The following CAMTA1 variants were observed in gnomAD, a reference collection of about 807,000 sequenced individuals.
The protein encoded by CAMTA1 is calmodulin binding transcription activator 1.
CAMTA1 carries 27 observed loss-of-function variants against 170.9 expected under a neutral mutation model. That is an observed-to-expected ratio of 0.16 (90% CI 0.12 to 0.22). The LOEUF is 0.22. Among genes scored for constraint, CAMTA1 ranks in the 10% least tolerant of loss-of-function variants. The pLI is 1.00. For synonymous variants in CAMTA1, 833 were observed against 891.5 expected, an observed-to-expected ratio of 0.93 and a Z score of 1.17; for missense variants, 1,619 against 2,217.2, an observed-to-expected ratio of 0.73 and a Z score of 5.42.
intron 3 of CAMTA1, among the ~76,000 whole-genome samples, chr1:6,999,198 C>T (rs891027816): frequency 3.9e-5 from 6 of 152,134 alleles, no homozygotes; most frequent in South Asian, 2.1e-4. Flanking sequence ...TTCTGGTTTG[C>T]CTCTTAATTC....
intron 3 of CAMTA1, among the ~76,000 whole-genome samples, chr1:6,928,359 AG>A (rs1683735484): frequency 6.6e-6 from 1 of 152,192 alleles, no homozygotes; most frequent in South Asian, 2.1e-4. Flanking sequence ...CTTATAAGAC[AG>A]GGAGTCTGAA....
chr1:7,351,874 C>G (rs2084701077), intron 5 of CAMTA1, among the ~76,000 whole-genome samples: 1 of 152,220 alleles, frequency 6.6e-6, no homozygotes, highest in South Asian at 2.1e-4. Context: ...ACTACCAAAT[C>G]ATGAGCCTCC....
chr1:7,755,372 C>T (rs1469768452), intron 21 of CAMTA1, among the ~76,000 whole-genome samples: 2 of 150,112 alleles, frequency 1.3e-5, no homozygotes, highest in Non-Finnish European at 3.0e-5. Flanking sequence ...CATATGACAC[C>T]CTCTCAAAAA....
At chr1:7,614,080 G>C (rs190398814) in intron 6 of CAMTA1, among the ~76,000 whole-genome samples, 2,025 of 149,658 alleles carry the variant, frequency 0.014, 28 homozygotes, top group Non-Finnish European at 0.023. Flanking sequence ...TGGGAGGAGA[G>C]GGATGGTGGT....
chr1:6,797,810 T>G (rs1209402127), intron 1 of CAMTA1, among the ~76,000 whole-genome samples: 1 of 152,154 alleles, frequency 6.6e-6, no homozygotes, highest in Non-Finnish European at 1.5e-5. Flanking sequence ...AGAAGAGTGG[T>G]CTGTTAGCTG....
At chr1:7,718,186 CA>C (rs1377155683) in intron 11 of CAMTA1, among the ~76,000 whole-genome samples, 1 of 144,560 alleles carries the variant, frequency 6.9e-6, no homozygotes, top group Non-Finnish European at 1.5e-5. Flanking sequence ...CAGTCTTAGC[CA>C]GCAGTGGGCG....
chr1:7,484,633 T>TA (rs1484674687), intron 6 of CAMTA1, among the ~76,000 whole-genome samples: 2 of 151,922 alleles, frequency 1.3e-5, no homozygotes, highest in Non-Finnish European at 2.9e-5. Context: ...ACTAAAAATA[T>TA]AAAAAATTAG....
At position 7,014,780 on chromosome 1, in the gene CAMTA1, G is replaced by A. The variant is rs769709667; in HGVS notation, c.235-76524G>A. On this transcript the variant is annotated intron_variant, in intron 3 of 22. Coordinates refer to ENST00000303635, the MANE Select transcript of CAMTA1 (RefSeq NM_015215.4). The surrounding 1 kb of genome is among the most constrained non-coding windows in gnomAD (Gnocchi z 4.2). ...GGTTACACATTCTGAGCTACCTTTCGGGGTCTGTGGACCCTCTCAGACCCT... is the reference window on the plus strand; with the variant it reads ...GGTTACACATTCTGAGCTACCTTTCAGGGTCTGTGGACCCTCTCAGACCCT... Among the ~76,000 whole-genome samples, 1 of 152,102 alleles carries A rather than the reference G, an allele frequency of 6.6e-6. No homozygotes were observed. Among genetic ancestry groups the A allele is most frequent in the African/African-American group, 2.4e-5 (1 of 41,402 alleles).
At chr1:7,319,719 G>T (rs774462565) in intron 5 of CAMTA1, among the ~76,000 whole-genome samples, 1 of 152,126 alleles carries the variant, frequency 6.6e-6, no homozygotes, top group African/African-American at 2.4e-5. Context: ...TCTGTCAGCC[G>T]CATTCCAAGT....
At chr1:7,022,505 T>C (rs1701502596) in intron 3 of CAMTA1, among the ~76,000 whole-genome samples, 3 of 152,210 alleles carry the variant, frequency 2.0e-5, no homozygotes, top group Non-Finnish European at 4.4e-5. Context: ...AAGGCAAATT[T>C]GGTCAGTTCT....
chr1:7,292,734 C>A (rs370139272), intron 5 of CAMTA1, among the ~76,000 whole-genome samples: 1 of 152,172 alleles, frequency 6.6e-6, no homozygotes, highest in Admixed American at 6.5e-5. Context: ...TCCTTGCATG[C>A]GTTTCTGCAC....
intron 4 of CAMTA1, among the ~76,000 whole-genome samples, chr1:7,118,136 G>A (rs1347598586): frequency 6.6e-6 from 1 of 152,076 alleles, no homozygotes; most frequent in African/African-American, 2.4e-5. Context: ...TGTCTCTATT[G>A]ATGGGTACAG....
intron 6 of CAMTA1, among the ~76,000 whole-genome samples, chr1:7,499,958 CTG>C (rs779558812): frequency 9.3e-6 from 1 of 107,016 alleles, no homozygotes; most frequent in East Asian, 3.4e-4. Flanking sequence ...GTGGAGAGGA[CTG>C]TGTGAGCCTG....
intron 3 of CAMTA1, among the ~76,000 whole-genome samples, chr1:6,916,009 G>A (rs1680704576): frequency 6.6e-6 from 1 of 152,132 alleles, no homozygotes; most frequent in South Asian, 2.1e-4. Context: ...AGTGGGTGGT[G>A]GAGCCCTGAG....
intron 5 of CAMTA1, among the ~76,000 whole-genome samples, chr1:7,371,036 A>T (rs1028687771): frequency 1.9e-4 from 28 of 147,788 alleles, no homozygotes; most frequent in South Asian, 8.7e-4. Flanking sequence ...CTCAGCCTCC[A>T]GAGTAGCTGG....
intron 3 of CAMTA1, among the ~76,000 whole-genome samples, chr1:6,837,626 C>G (rs1478651119): frequency 6.6e-6 from 1 of 152,200 alleles, no homozygotes; most frequent in African/African-American, 2.4e-5. Context: ...ACACATCTTT[C>G]AGCTGTGTAG....
At chr1:7,141,202 T>A (rs1645867864) in intron 4 of CAMTA1, among the ~76,000 whole-genome samples, 1 of 152,134 alleles carries the variant, frequency 6.6e-6, no homozygotes, top group South Asian at 2.1e-4. Flanking sequence ...TCAAGAGTCA[T>A]AGAACCTTGC....
intron 4 of CAMTA1, among the ~76,000 whole-genome samples, chr1:7,201,022 G>T (rs1359652980): frequency 6.6e-6 from 1 of 152,168 alleles, no homozygotes; most frequent in Non-Finnish European, 1.5e-5. Context: ...GAAATGCCAT[G>T]TTATGTAGCC....
chr1:7,712,464 G>T (rs768348994), intron 11 of CAMTA1, among the ~76,000 whole-genome samples: 4 of 152,100 alleles, frequency 2.6e-5, no homozygotes, highest in Non-Finnish European at 5.9e-5. Context: ...GGGACCACAG[G>T]TGTGCATCAC....
Sources: allele counts gnomAD v4.1 joint callset (sites outside exome capture counted in the v4.1 genomes callset), GRCh38; gene constraint gnomAD v4.1.1; non-coding constraint Gnocchi (gnomAD v3.1); transcripts MANE v1.5; gene names NCBI Gene and HGNC (gene_info 2026-07-23, HGNC 2026-07-21).